KLHL32: variants seen among roughly 807,000 people sequenced by gnomAD.
The protein encoded by KLHL32 is kelch like family member 32, also known as kelch-like protein 32.
KLHL32 carries 35 observed loss-of-function variants against 64.8 expected under a neutral mutation model. That is an observed-to-expected ratio of 0.54 (90% CI 0.41 to 0.72). The LOEUF is 0.72. KLHL32 is among the 30% of genes least tolerant of loss of function. The pLI is 0.00. For missense variants in KLHL32, 589 were observed against 768.5 expected, an observed-to-expected ratio of 0.77 and a Z score of 2.76; for synonymous variants, 259 against 281.0, an observed-to-expected ratio of 0.92 and a Z score of 0.78.
intron 6 of KLHL32, among the ~76,000 whole-genome samples, chr6:97,108,730 T>A (rs748108791): frequency 6.6e-6 from 1 of 152,226 alleles, no homozygotes. Context: ...TGCAGAGTGT[T>A]TCTATGGCTT....
intron 1 of KLHL32, among the ~76,000 whole-genome samples, chr6:96,958,827 A>AG (rs1030486822): frequency 1.3e-5 from 2 of 149,684 alleles, no homozygotes; most frequent in African/African-American, 5.0e-5. Context: ...AGGAGTGCCA[A>AG]GGAAAAAAAA....
At chr6:96,939,488 AG>A (rs570158629) in intron 1 of KLHL32, among the ~76,000 whole-genome samples, 333 of 152,316 alleles carry the variant, frequency 2.2e-3, no homozygotes, top group Non-Finnish European at 3.6e-3. Flanking sequence ...CATTGTTAAA[AG>A]TATAAAGTGG....
chr6:97,107,837 G>T (rs1796620035), intron 6 of KLHL32, among the ~76,000 whole-genome samples: 1 of 152,210 alleles, frequency 6.6e-6, no homozygotes, highest in African/African-American at 2.4e-5. Context: ...TTGTTTGAGA[G>T]AATCTGAGAA....
intron 3 of KLHL32, among the ~76,000 whole-genome samples, chr6:96,998,524 A>G (rs377280621): frequency 1.3e-5 from 2 of 152,224 alleles, no homozygotes; most frequent in African/African-American, 4.8e-5. Context: ...CTGTAAGCAT[A>G]TAAATATTTA....
intron 2 of KLHL32, among the ~76,000 whole-genome samples, chr6:96,972,741 G>C (rs936793226): frequency 6.6e-6 from 1 of 152,146 alleles, no homozygotes; most frequent in African/African-American, 2.4e-5. Flanking sequence ...AAGTTGAGAG[G>C]CTTAGTTTGC....
At chr6:96,964,892 C>T (rs1364394073) in intron 1 of KLHL32, among the ~76,000 whole-genome samples, 2 of 152,048 alleles carry the variant, frequency 1.3e-5, no homozygotes, top group Non-Finnish European at 2.9e-5. Flanking sequence ...TTAGCATGTA[C>T]ATGTGTAAGT....
At chr6:96,948,652 C>T (rs1171156306) in intron 1 of KLHL32, among the ~76,000 whole-genome samples, 3 of 152,022 alleles carry the variant, frequency 2.0e-5, no homozygotes, top group African/African-American at 7.2e-5. Flanking sequence ...TTAGAGAATA[C>T]ACTTTTTTAA....
chr6:96,955,388 C>T (rs928739166), intron 1 of KLHL32, among the ~76,000 whole-genome samples: 1 of 152,120 alleles, frequency 6.6e-6, no homozygotes, highest in Admixed American at 6.5e-5. Context: ...TCTCTATCTT[C>T]AATAAGTTTT....
At chr6:96,967,795 G>T (rs917909752) in intron 2 of KLHL32, among the ~76,000 whole-genome samples, 1 of 152,156 alleles carries the variant, frequency 6.6e-6, no homozygotes, top group East Asian at 1.9e-4. Flanking sequence ...GTACAGGATA[G>T]ATAGAGCAAG....
chr6:97,064,883 TAG>T (rs1158192260), intron 5 of KLHL32, among the ~76,000 whole-genome samples, 157 bp downstream of exon 5: 1 of 152,094 alleles, frequency 6.6e-6, no homozygotes, highest in African/African-American at 2.4e-5. Flanking sequence ...GAGAAGTTCC[TAG>T]GAGGGCGGCT....
intron 3 of KLHL32, among the ~76,000 whole-genome samples, chr6:97,004,168 G>T (rs1172006671): frequency 6.6e-6 from 1 of 152,050 alleles, no homozygotes; most frequent in Non-Finnish European, 1.5e-5. Flanking sequence ...GCAGTGTTTT[G>T]TAAATCTTGT....
upstream of KLHL32, among the ~76,000 whole-genome samples, chr6:96,920,186 C>T (rs1013061532): frequency 6.6e-6 from 1 of 152,150 alleles, no homozygotes; most frequent in Admixed American, 6.5e-5. Context: ...GGAAAGGGAC[C>T]TGGTCAAGGA....
intron 3 of KLHL32, among the ~76,000 whole-genome samples, chr6:96,977,546 G>C (rs1221811630): frequency 7.0e-6 from 1 of 142,784 alleles, no homozygotes; most frequent in Non-Finnish European, 1.5e-5. Context: ...ATATAAATGG[G>C]AATATAAACA....
intron 1 of KLHL32, among the ~76,000 whole-genome samples, chr6:96,943,217 A>G (rs930883312): frequency 4.6e-5 from 7 of 152,126 alleles, no homozygotes; most frequent in Admixed American, 3.9e-4. Flanking sequence ...ATCCTGGGGT[A>G]AAGGACTGTG....
At chr6:96,914,969 C>G in the KLHL32 span, 2 of 152,230 alleles carry the variant, frequency 1.3e-5, no homozygotes, top group Non-Finnish European at 2.9e-5. Context: ...GTAGCTAGGA[C>G]TATAGGCACG....
the KLHL32 span, among the ~76,000 whole-genome samples, chr6:96,917,928 T>C: frequency 6.6e-6 from 1 of 152,274 alleles, no homozygotes; most frequent in South Asian, 2.1e-4. Context: ...AGATAATTCA[T>C]TGTTGCAGGG....
chr6:97,018,887 T>C (rs2128102202), intron 3 of KLHL32, among the ~76,000 whole-genome samples: 1 of 152,298 alleles, frequency 6.6e-6, no homozygotes, highest in East Asian at 1.9e-4. Flanking sequence ...TCTCAATCAG[T>C]TGGAGATTTT....
Position 96,936,493 on chromosome 6 carries a change from T to A in KLHL32, c.-66+11467T>A, listed in dbSNP as rs1281765120. 1.4e-4 allele frequency among the ~76,000 whole-genome samples: 21 copies of A among 152,184 alleles called. 1 individual carries two copies. ...CCAAACCTTGGAAACATCCTTAGCT[T>A]CTTCCTCTCACAACTTACATCCAAA... On this transcript the variant is annotated intron_variant, in intron 1 of 10. Transcript: ENST00000369261.
intron 1 of KLHL32, among the ~76,000 whole-genome samples, chr6:96,959,656 A>G (rs1046901329): frequency 1.3e-5 from 2 of 152,322 alleles, no homozygotes; most frequent in African/African-American, 4.8e-5. Context: ...GGAAGCTTCA[A>G]GACATGAATT....
Sources: allele counts gnomAD v4.1 joint callset (sites outside exome capture counted in the v4.1 genomes callset), GRCh38; gene constraint gnomAD v4.1.1; transcripts MANE v1.5; gene names NCBI Gene and HGNC (gene_info 2026-07-23, HGNC 2026-07-21).